JMY: variants seen among roughly 807,000 people sequenced by gnomAD.
JMY encodes junction mediating and regulatory protein, p53 cofactor.
In JMY, 46 loss-of-function variants were observed where a neutral mutation model predicts 103.3. The observed-to-expected ratio is 0.45, with a 90% CI of 0.35 to 0.57. JMY has a LOEUF of 0.57. Ranked by LOEUF, JMY falls within the 20% of genes least tolerant of loss-of-function variation. JMY has a pLI of 0.00. For missense variants in JMY, 1,238 were observed against 1,255.2 expected, an observed-to-expected ratio of 0.99 and a Z score of 0.21; for synonymous variants, 526 against 489.3, an observed-to-expected ratio of 1.07 and a Z score of -0.99.
chr5:79,321,266 C>G (rs1282181895), intron 10 of JMY, among the ~76,000 whole-genome samples: 1 of 152,180 alleles, frequency 6.6e-6, no homozygotes, highest in Non-Finnish European at 1.5e-5. Context: ...AAATGTTAGT[C>G]TAACAAAAAC....
In JMY at chr5:79,237,291, C is replaced by G. The variant is rs1427345546; in HGVS notation, c.641C>G (p.Pro214Arg). 3.9e-6 allele frequency: 6 copies of G among 1,556,398 alleles called. No individual in the cohort carries two copies. In the South Asian group the frequency reaches 5.9e-5, roughly 15 times the overall value. Residue 214 changes from proline to arginine, a missense_variant, in exon 1 of 11, where the codon CCG becomes CGG. By Grantham distance (103) the Pro-to-Arg change is moderately radical (BLOSUM62 -2). Transcript: ENST00000396137. ...APLALSDAEQPPPATELESPA... is the reference protein window; with the variant it reads ...APLALSDAEQRPPATELESPA... ...CTGGCGCTCTCGGACGCGGAGCAGC[C>G]GCCGCCCGCCACCGAGCTGGAGTCT... is the stretch of plus-strand genomic sequence containing the variant.
At chr5:79,278,170 T>A (rs1374828458) in intron 2 of JMY, 87 bp downstream of exon 2, 101 of 652,316 alleles carry the variant, frequency 1.5e-4, no homozygotes, top group South Asian at 4.6e-4. Context: ...AGAGGAACTT[T>A]AAAAAAAAAA....
chr5:79,310,057 C>CT (rs55994052), intron 7 of JMY, among the ~76,000 whole-genome samples: 2,380 of 73,624 alleles, frequency 0.032, 273 homozygotes, highest in Non-Finnish European at 0.039. Flanking sequence ...CTTTCTTTTC[C>CT]TTTTTTTTTT....
At chr5:79,259,592 C>T (rs939556700) in intron 1 of JMY, among the ~76,000 whole-genome samples, 4 of 152,208 alleles carry the variant, frequency 2.6e-5, no homozygotes, top group South Asian at 2.1e-4. Context: ...GCTGAGCTGC[C>T]CTCAGCACCC....
At chr5:79,281,760 A>G (rs962303658) in intron 2 of JMY, among the ~76,000 whole-genome samples, 1 of 152,204 alleles carries the variant, frequency 6.6e-6, no homozygotes, top group African/African-American at 2.4e-5. Flanking sequence ...GTTGTTTCAG[A>G]GGTGTATACA....
intron 10 of JMY, among the ~76,000 whole-genome samples, chr5:79,317,735 G>A (rs1747284246): frequency 6.6e-6 from 1 of 152,132 alleles, no homozygotes; most frequent in African/African-American, 2.4e-5. Flanking sequence ...GTCTCCCTCT[G>A]TTGCTCAGGC....
chr5:79,266,137 T>C (rs979560654), intron 1 of JMY, among the ~76,000 whole-genome samples: 1 of 152,190 alleles, frequency 6.6e-6, no homozygotes, highest in South Asian at 2.1e-4. Flanking sequence ...CCTCTGTCCA[T>C]GTGTGTAGTC....
At chr5:79,266,171 C>T (rs1380301562) in intron 1 of JMY, among the ~76,000 whole-genome samples, 1 of 152,200 alleles carries the variant, frequency 6.6e-6, no homozygotes, top group Non-Finnish European at 1.5e-5. Flanking sequence ...ATTTGCCTCT[C>T]ATTCACAGAG....
At chr5:79,272,422 TC>T (rs1267499450) in intron 1 of JMY, among the ~76,000 whole-genome samples, 1 of 152,274 alleles carries the variant, frequency 6.6e-6, no homozygotes, top group East Asian at 1.9e-4. Flanking sequence ...TGTTTTGGTT[TC>T]CTTTTTTTTC....
intron 1 of JMY, among the ~76,000 whole-genome samples, chr5:79,248,646 G>A (rs1483465870): frequency 2.0e-5 from 3 of 150,614 alleles, no homozygotes; most frequent in Non-Finnish European, 3.0e-5. Flanking sequence ...CCTCACCTCA[G>A]TCCCATATAG....
At chr5:79,313,932 C>G (rs750877035) in intron 8 of JMY, among the ~76,000 whole-genome samples, 1 of 152,206 alleles carries the variant, frequency 6.6e-6, no homozygotes, top group African/African-American at 2.4e-5. Context: ...AATCTCGGCT[C>G]ACTGCAACTT....
intron 4 of JMY, among the ~76,000 whole-genome samples, chr5:79,295,166 C>T (rs1351982693): frequency 6.6e-6 from 1 of 152,164 alleles, no homozygotes; most frequent in Non-Finnish European, 1.5e-5. Context: ...TCCAGCAGAA[C>T]GCCCTGTAAT....
intron 2 of JMY, among the ~76,000 whole-genome samples, chr5:79,289,661 T>C (rs1746367115): frequency 6.6e-6 from 1 of 152,170 alleles, no homozygotes; most frequent in Non-Finnish European, 1.5e-5. Context: ...GTTATTGTTA[T>C]CTAAAGTCTT....
intron 1 of JMY, among the ~76,000 whole-genome samples, chr5:79,271,984 C>T (rs1469467778): frequency 1.3e-5 from 2 of 151,958 alleles, no homozygotes; most frequent in African/African-American, 2.4e-5. Flanking sequence ...TGGTGGTGCA[C>T]ACCTGTAATC....
chr5:79,285,984 G>A (rs1191177853), intron 2 of JMY, among the ~76,000 whole-genome samples: 1 of 152,090 alleles, frequency 6.6e-6, no homozygotes, highest in Non-Finnish European at 1.5e-5. Flanking sequence ...TTAAAAACAG[G>A]CACTGTTTTC....
At position 79,284,445 on chromosome 5, in the gene JMY, G is replaced by A. The variant is rs756039428; in HGVS notation, c.1207-5676G>A. ...ATCTTCTTCCGGATTTGGCGGACCC[G>A]TTGGTGCTGGGCATAAGAGGTCTTC... On this transcript the variant is annotated intron_variant, in intron 2 of 10. Transcript: ENST00000396137. 18 of 1,554,724 alleles carry A rather than the reference G, an allele frequency of 1.2e-5. 1 individual carries two copies. Among genetic ancestry groups the A allele is most frequent in the African/African-American group, 8.1e-5 (6 of 73,972 alleles).
intron 2 of JMY, among the ~76,000 whole-genome samples, chr5:79,285,850 C>T (rs1337327078): frequency 3.3e-5 from 5 of 152,182 alleles, no homozygotes; most frequent in Non-Finnish European, 7.3e-5. Flanking sequence ...GGATTTCCCC[C>T]CTACTGTGTT....
At chr5:79,266,058 A>G (rs972921409) in intron 1 of JMY, among the ~76,000 whole-genome samples, 1 of 152,174 alleles carries the variant, frequency 6.6e-6, no homozygotes, top group African/African-American at 2.4e-5. Context: ...CTGGGATTAT[A>G]GGTGTGAGCC....
intron 1 of JMY, among the ~76,000 whole-genome samples, chr5:79,258,459 C>A (rs1745322126): frequency 6.6e-6 from 1 of 151,908 alleles, no homozygotes; most frequent in South Asian, 2.1e-4. Context: ...TGGGCTCATT[C>A]TACCCACTCA....
Sources: gnomAD v4.1 joint callset for allele counts (sites outside exome capture counted in the v4.1 genomes callset) on GRCh38, gnomAD v4.1.1 for gene constraint, MANE v1.5 for transcripts, NCBI Gene and HGNC (gene_info 2026-07-23, HGNC 2026-07-21) for gene names.